Variants in SULT1C3 observed in about 807,000 individuals in gnomAD.
SULT1C3 encodes the protein sulfotransferase family 1C member 3.
In SULT1C3, 31 loss-of-function variants were observed where a neutral mutation model predicts 28.4. That is an observed-to-expected ratio of 1.09 (90% CI 0.82 to 1.47). The LOEUF (loss-of-function observed/expected upper bound fraction) is 1.47. SULT1C3 is among the 40% of genes most tolerant of loss of function. The pLI is 0.00. For synonymous variants in SULT1C3, 106 were observed against 92.2 expected (o/e 1.15, Z -0.86); for missense variants, 307 against 272.5 (o/e 1.13, Z -0.89).
chr2:108,251,207 T>C (rs546064622), intron 2 of SULT1C3, among the ~76,000 whole-genome samples: 2 of 152,148 alleles, frequency 1.3e-5, no homozygotes, highest in East Asian at 3.9e-4. Flanking sequence ...TGAGGGAAAG[T>C]TCTTTATATG....
At chr2:108,256,441 C>T (rs1435528913) in intron 5 of SULT1C3, among the ~76,000 whole-genome samples, 2 of 152,048 alleles carry the variant, frequency 1.3e-5, no homozygotes, top group Non-Finnish European at 2.9e-5. Context: ...AATGCAGAAA[C>T]ATGATTATAG....
At chr2:108,254,357 G>T (rs989246289) in intron 4 of SULT1C3, among the ~76,000 whole-genome samples, 2 of 151,870 alleles carry the variant, frequency 1.3e-5, no homozygotes, top group African/African-American at 4.8e-5. Context: ...ATTCCTACTT[G>T]TTCTTCTGGT....
intron 4 of SULT1C3, among the ~76,000 whole-genome samples, chr2:108,254,434 T>C (rs1331595150): frequency 1.3e-5 from 2 of 152,004 alleles, no homozygotes; most frequent in Non-Finnish European, 2.9e-5. Flanking sequence ...CATGTATCTA[T>C]ATTGGGGTAT....
In SULT1C3 at chr2:108,247,207, G is replaced by A; in HGVS notation, c.13G>A (p.Glu5Lys). Reference sequence around the variant, plus strand: ...TCCCAGATTCCCAATGGCGAAGATTGAGAAAAACGCTCCCACGATGGAAAA... The same window carrying A: ...TCCCAGATTCCCAATGGCGAAGATTAAGAAAAACGCTCCCACGATGGAAAA... The part of the protein sequence containing the change: MAKI[E>K]KNAPTMEKKP... The change falls in exon 2 of 8, where the codon GAG becomes AAG. Residue 5 changes from glutamate (E) to lysine (K), a missense_variant. Physicochemically the swap from Glu to Lys is moderately conservative, Grantham distance 56. Coordinates refer to ENST00000681802, the MANE Select transcript of SULT1C3 (RefSeq NM_001320878.2). 6.6e-7 allele frequency: 1 copy of A among 1,523,788 alleles called. No individual in the cohort carries two copies. 94.4% of individuals were successfully genotyped at this position (1,523,788 alleles called of 1,614,324 possible). A position where few individuals can be genotyped will look rare whatever the true frequency, so the allele number is the denominator to read the frequency against.
chr2:108,256,491 G>A (rs1441218758), intron 5 of SULT1C3, among the ~76,000 whole-genome samples: 1 of 152,044 alleles, frequency 6.6e-6, no homozygotes, highest in Non-Finnish European at 1.5e-5. Context: ...CTAGACAAAT[G>A]GATAAACATT....
At chr2:108,255,766 T>A (rs775090080) in intron 5 of SULT1C3, 68 bp downstream of exon 5, 255 of 1,536,546 alleles carry the variant, frequency 1.7e-4, no homozygotes, top group Non-Finnish European at 2.2e-4. Context: ...CTCTGTAAAC[T>A]GGAGGAGAAA....
In SULT1C3 at chr2:108,253,304, G is replaced by A. The variant is rs763878476; in HGVS notation, c.302-41G>A. 7 of 1,318,302 alleles carry A rather than the reference G, an allele frequency of 5.3e-6. No homozygotes were observed. In the East Asian group the frequency reaches 9.7e-5, roughly 18 times the overall value. The allele number at this position is 1,318,302 out of a possible 1,614,324, so 81.7% of individuals were successfully genotyped here. On this transcript the variant is annotated intron_variant, in intron 3 of 7. Transcript: ENST00000681802. ...AATGGAATTCAAGTATTTTGGCAGA[G>A]TGCCAAGAATAAACAAAGAATATAA... is the stretch of plus-strand genomic sequence containing the variant.
chr2:108,254,447 G>A (rs2104389277), intron 4 of SULT1C3, among the ~76,000 whole-genome samples: 1 of 152,090 alleles, frequency 6.6e-6, no homozygotes, highest in Admixed American at 6.6e-5. Flanking sequence ...TGGGGTATCT[G>A]TGCATGTGTT....
At chr2:108,258,598 C>G (rs1020744571) in intron 5 of SULT1C3, 136 bp from the exon 6 acceptor site, 3 of 620,244 alleles carry the variant, frequency 4.8e-6, no homozygotes, top group African/African-American at 3.7e-5. Flanking sequence ...AATTTTATTA[C>G]TAGAAAATTA....
Position 108,255,658 on chromosome 2 carries a change from G to A in SULT1C3, c.486G>A (p.Gln162=). Residue 162 remains glutamine (Q), a synonymous_variant, in exon 5 of 8, where the codon CAG becomes CAA. Coordinates refer to ENST00000681802, the MANE Select transcript of SULT1C3 (RefSeq NM_001320878.2). The part of the protein sequence containing the change: ...HRMASFMPDP[Q]NLEEFYEKFM... ...TGGCTTCCTTTATGCCTGATCCTCA[G>A]AACTTAGAGGAATTTTATGAGAAAT... 6.2e-7 allele frequency: 1 copy of A among 1,611,322 alleles called. No individual in the cohort carries two copies. The highest frequency in any genetic ancestry group is 1.7e-4 in the Middle Eastern group (1 of 6,026).
At chr2:108,259,360 G>T (rs1469946501) in intron 7 of SULT1C3, among the ~76,000 whole-genome samples, 2 of 152,070 alleles carry the variant, frequency 1.3e-5, no homozygotes, top group African/African-American at 4.8e-5. Flanking sequence ...CTAAAGCTCT[G>T]ATTGCTGGTC....
chr2:108,258,709 C>G, intron 5 of SULT1C3, 25 bp from the exon 6 acceptor site: 1 of 1,588,948 alleles, frequency 6.3e-7, no homozygotes, highest in African/African-American at 1.3e-5. Context: ...GTACTGGGAA[C>G]TAACAGTGCT....
At chr2:108,243,204 C>T (rs1023760635) in intron 1 of SULT1C3, among the ~76,000 whole-genome samples, 1 of 152,128 alleles carries the variant, frequency 6.6e-6, no homozygotes, top group Non-Finnish European at 1.5e-5. Flanking sequence ...GACATCTGAC[C>T]CAAACAGCTC....
At chr2:108,249,148 C>T (rs144381016) in intron 2 of SULT1C3, among the ~76,000 whole-genome samples, 57 of 152,136 alleles carry the variant, frequency 3.7e-4, no homozygotes, top group East Asian at 3.1e-3. Flanking sequence ...TAGTGAGACC[C>T]TAAACAGAGG....
chr2:108,258,882 A>T (rs889620332), intron 6 of SULT1C3, 54 bp downstream of exon 6: 2 of 1,413,318 alleles, frequency 1.4e-6, no homozygotes, highest in Non-Finnish European at 2.0e-6. Flanking sequence ...TGACAATGTT[A>T]TTCTGTTAAA....
intron 2 of SULT1C3, among the ~76,000 whole-genome samples, chr2:108,250,610 G>T (rs1675705973): frequency 6.6e-6 from 1 of 151,082 alleles, no homozygotes; most frequent in South Asian, 2.1e-4. Context: ...CAACACTATA[G>T]CAGACTTATT....
Position 108,260,649 on chromosome 2 carries a change from G to T in SULT1C3, c.884G>T (p.Gly295Val), listed in dbSNP as rs2104393934. The change falls in exon 8 of 8, where the codon GGG becomes GTG. Residue 295 changes from glycine to valine, a missense_variant. Coordinates refer to ENST00000681802, the MANE Select transcript of SULT1C3 (RefSeq NM_001320878.2). Reference sequence around the variant, plus strand: ...AAGCATTATGAAAAGAAGATGGCAGGGTCCACACTGAACTTCTGCCTGGAG... The same window carrying T: ...AAGCATTATGAAAAGAAGATGGCAGTGTCCACACTGAACTTCTGCCTGGAG... ...FDKHYEKKMA[G>V]STLNFCLEI The T allele has an allele frequency of 2.1e-6, 1 of 479,400 alleles. No homozygotes were observed. Among genetic ancestry groups the T allele is most frequent in the African/African-American group, 1.9e-5 (1 of 51,304 alleles). The allele number at this position is 479,400 out of a possible 1,614,324, so 29.7% of individuals were successfully genotyped here.
At position 108,260,588 on chromosome 2, in the gene SULT1C3, A is replaced by G. The variant is rs1168592713; in HGVS notation, c.823A>G (p.Asn275Asp). Residue 275 changes from asparagine (N) to aspartate (D), a missense_variant, in exon 8 of 8, where the codon AAC (asparagine) becomes GAC (aspartate). Physicochemically the swap from Asn to Asp is conservative, Grantham distance 23 (BLOSUM62 1). Transcript: ENST00000681802. ...TACAGGGATGCCTGGAGACTGGAAG[A>G]ACCACTTTACTGTGGCTTTGAATGA... The part of the protein sequence containing the change: ...MRKGMPGDWK[N>D]HFTVALNENF... The G allele has an allele frequency of 1.9e-6, 1 of 514,878 alleles. No homozygotes were observed. Among genetic ancestry groups the G allele is most frequent in the Non-Finnish European group, 3.9e-6 (1 of 258,132 alleles). The allele number at this position is 514,878 out of a possible 1,614,324, so 31.9% of individuals were successfully genotyped here.
chr2:108,256,830 C>T (rs2104391077), intron 5 of SULT1C3, among the ~76,000 whole-genome samples: 1 of 152,126 alleles, frequency 6.6e-6, no homozygotes, highest in South Asian at 2.1e-4. Flanking sequence ...AGAACATTTT[C>T]TCTAGAAACA....
Sources: allele counts gnomAD v4.1 joint callset (sites outside exome capture counted in the v4.1 genomes callset), GRCh38; gene constraint gnomAD v4.1.1; transcripts MANE v1.5; gene names NCBI Gene and HGNC (gene_info 2026-07-23, HGNC 2026-07-21).